Variants in FAM171B observed in about 807,000 individuals in gnomAD.
FAM171B encodes protein FAM171B.
FAM171B carries 19 observed loss-of-function variants against 75.6 expected under a neutral mutation model. The observed-to-expected ratio is 0.25, with a 90% CI of 0.18 to 0.37. FAM171B has a LOEUF of 0.37. Among genes scored for constraint, FAM171B ranks in the 10% least tolerant of loss-of-function variants. The probability of loss-of-function intolerance (pLI) is 1.00; values close to 1 mark genes in which losing one functional copy is unlikely to be tolerated. For synonymous variants in FAM171B, 367 were observed against 361.7 expected (o/e 1.01, Z -0.17); for missense variants, 848 against 982.4 (o/e 0.86, Z 1.83).
intron 1 of FAM171B, among the ~76,000 whole-genome samples, chr2:186,706,730 T>C (rs2594705): frequency 0.99 from 151,022 of 152,280 alleles, 74,893 homozygotes; most frequent in Middle Eastern, 1. Context: ...AAGATCAGGA[T>C]GCTATGCAGC....
Position 186,743,470 on chromosome 2 carries a change from C to T in FAM171B, c.473-13C>T. 1 of 1,561,856 alleles carries T rather than the reference C, an allele frequency of 6.4e-7. No individual in the cohort carries two copies. The stretch of plus-strand genomic sequence containing the variant: ...CATTAAGTAAAATATTCTAATTGTG[C>T]TATATTTCACAGTATATTCATCAGT... On this transcript the variant is annotated splice_polypyrimidine_tract_variant and intron_variant, in intron 2 of 7. Transcript: ENST00000304698.
At chr2:186,698,980 T>A (rs765256344) in intron 1 of FAM171B, among the ~76,000 whole-genome samples, 65 of 152,202 alleles carry the variant, frequency 4.3e-4, no homozygotes, top group Non-Finnish European at 7.5e-4. Context: ...AATGGTTGAA[T>A]AGTACTCCAT....
In FAM171B at chr2:186,761,570, A is replaced by G. The variant is rs780609319; in HGVS notation, c.1228A>G (p.Asn410Asp). ...RDQTTSTTHINHISTVKVALK... is the reference protein window; with the variant it reads ...RDQTTSTTHIDHISTVKVALK... Reference sequence around the variant, plus strand: ...CCAGACAACTTCAACAACACACATAAATCATATCAGTACAGTTAAAGTTGC... The same window carrying G: ...CCAGACAACTTCAACAACACACATAGATCATATCAGTACAGTTAAAGTTGC... The change falls in exon 8 of 8, where the codon AAT becomes GAT. Residue 410 changes from asparagine (N) to aspartate (D), a missense_variant. Physicochemically the swap from Asn to Asp is conservative, Grantham distance 23. Coordinates refer to ENST00000304698, the MANE Select transcript of FAM171B (RefSeq NM_177454.4). 5 of 1,610,962 alleles carry G rather than the reference A, an allele frequency of 3.1e-6. No individual in the cohort carries two copies. The Admixed American group carries it at 8.4e-5, about 27-fold the overall frequency.
intron 3 of FAM171B, 75 bp from the exon 4 acceptor site, chr2:186,747,017 G>T: frequency 9.0e-7 from 1 of 1,115,254 alleles, no homozygotes; most frequent in Non-Finnish European, 1.3e-6. Flanking sequence ...TTCTTTTAAA[G>T]TAAGACATCC....
chr2:186,745,904 A>G (rs1410116360), intron 3 of FAM171B, among the ~76,000 whole-genome samples: 2 of 152,232 alleles, frequency 1.3e-5, no homozygotes. Context: ...GCATATAATT[A>G]TGTTACTTTT....
chr2:186,761,759 A>C lies in FAM171B; in HGVS notation c.1417A>C (p.Asn473His). ...YNEDVSFLSV[N>H]QNNYSRNPTQ... is the part of the protein sequence containing the mutation. ...TGAAGATGTTTCATTTCTATCAGTC[A>C]ATCAAAATAATTACTCAAGAAACCC... The change falls in exon 8 of 8, where the codon AAT becomes CAT. Residue 473 changes from asparagine to histidine, a missense_variant. Physicochemically the swap from Asn to His is moderately conservative, Grantham distance 68 (BLOSUM62 1). Around this residue, in one of 3 missense-constraint regions of FAM171B, gnomAD observed 665 missense variants for 729.0 expected, o/e 0.91. Transcript: ENST00000304698. 6.2e-7 allele frequency: 1 copy of C among 1,613,412 alleles called. No individual in the cohort carries two copies. Among genetic ancestry groups the C allele is most frequent in the East Asian group, 2.2e-5 (1 of 44,860 alleles).
chr2:186,740,186 C>G, intron 1 of FAM171B, 42 bp from the exon 2 acceptor site: 1 of 1,426,444 alleles, frequency 7.0e-7, no homozygotes. Context: ...CATATGCATT[C>G]TAGGATACGA....
chr2:186,753,191 C>T (rs902135738), intron 5 of FAM171B, among the ~76,000 whole-genome samples: 6 of 152,110 alleles, frequency 3.9e-5, no homozygotes, highest in African/African-American at 1.2e-4. Flanking sequence ...CCCTGTCACC[C>T]AGGCTGGAGT....
At chr2:186,721,309 G>C (rs1689949200) in intron 1 of FAM171B, among the ~76,000 whole-genome samples, 1 of 152,140 alleles carries the variant, frequency 6.6e-6, no homozygotes, top group African/African-American at 2.4e-5. Flanking sequence ...AGCCAGGGTT[G>C]AGAATTGCTG....
chr2:186,706,371 C>T (rs1323269282), intron 1 of FAM171B, among the ~76,000 whole-genome samples: 3 of 152,116 alleles, frequency 2.0e-5, no homozygotes, highest in Non-Finnish European at 4.4e-5. Context: ...CAGTGAAACC[C>T]ATATTTTTCT....
chr2:186,755,838 T>C (rs1690524425), intron 6 of FAM171B, among the ~76,000 whole-genome samples: 1 of 152,196 alleles, frequency 6.6e-6, no homozygotes, highest in African/African-American at 2.4e-5. Flanking sequence ...TATTTCTATT[T>C]GAACTTAGTG....
intron 1 of FAM171B, among the ~76,000 whole-genome samples, chr2:186,722,648 G>A (rs1420979974): frequency 6.6e-6 from 1 of 152,172 alleles, no homozygotes. Flanking sequence ...GGATAGAGAG[G>A]ACTGGGTTGT....
intron 2 of FAM171B, among the ~76,000 whole-genome samples, chr2:186,740,864 G>A (rs752665888): frequency 1.3e-5 from 2 of 152,180 alleles, no homozygotes; most frequent in African/African-American, 2.4e-5. Flanking sequence ...CAAGGGTCTT[G>A]TGTCCCAACA....
chr2:186,749,293 T>G (rs201485771), intron 4 of FAM171B, among the ~76,000 whole-genome samples: 2 of 152,232 alleles, frequency 1.3e-5, no homozygotes, highest in Non-Finnish European at 1.5e-5. Flanking sequence ...TTTTCTCCTC[T>G]GACTTGACTT....
intron 6 of FAM171B, among the ~76,000 whole-genome samples, chr2:186,760,690 G>A (rs574852013): frequency 7.1e-4 from 108 of 151,822 alleles, no homozygotes; most frequent in African/African-American, 2.5e-3. Context: ...CTGCTGTCTC[G>A]GTGGCTAACA....
chr2:186,761,576 A>G lies in FAM171B; in HGVS notation c.1234A>G (p.Ile412Val). The G allele has an allele frequency of 6.2e-7, 1 of 1,613,042 alleles. No individual in the cohort carries two copies. The highest frequency in any genetic ancestry group is 8.5e-7 in the Non-Finnish European group (1 of 1,179,524). Residue 412 changes from isoleucine (I) to valine (V), a missense_variant, in exon 8 of 8, where the codon ATC (isoleucine) becomes GTC (valine). By Grantham distance (29) the Ile-to-Val change is conservative. Coordinates refer to ENST00000304698, the MANE Select transcript of FAM171B (RefSeq NM_177454.4). ...AACTTCAACAACACACATAAATCAT[A>G]TCAGTACAGTTAAAGTTGCATTAAA... ...QTTSTTHINH[I>V]STVKVALKAE...
intron 2 of FAM171B, among the ~76,000 whole-genome samples, chr2:186,741,503 A>C (rs1330686836): frequency 6.6e-6 from 1 of 152,148 alleles, no homozygotes; most frequent in Non-Finnish European, 1.5e-5. Context: ...GACCCTAACT[A>C]AATAAGGTAA....
chr2:186,761,277 G>T (rs765215143), intron 7 of FAM171B, 41 bp downstream of exon 7: 3 of 1,605,470 alleles, frequency 1.9e-6, no homozygotes, highest in Non-Finnish European at 1.7e-6. Context: ...ATCAAGTTAT[G>T]GTATCATTTC....
rs1318389086 is a variant in FAM171B, at chr2:186,763,447, CT to C, written c.*627del. On this transcript the variant is annotated 3_prime_UTR_variant, in exon 8 of 8. Coordinates refer to ENST00000304698, the MANE Select transcript of FAM171B (RefSeq NM_177454.4). Reference sequence around the variant, plus strand: ...GTCATTAGAGAGGGAGACACCAGCTCTTTGGTTGTTTTTGGATATAACTTTA... The same window carrying C: ...GTCATTAGAGAGGGAGACACCAGCTCTTGGTTGTTTTTGGATATAACTTTA... 6.6e-6 allele frequency: 1 copy of C among 152,042 alleles called. No homozygotes were observed. The highest frequency in any genetic ancestry group is 1.5e-5 in the Non-Finnish European group (1 of 67,962). 9.4% of individuals were successfully genotyped at this position (152,042 alleles called of 1,614,324 possible).
Sources: allele counts gnomAD v4.1 joint callset (sites outside exome capture counted in the v4.1 genomes callset), GRCh38; gene constraint gnomAD v4.1.1; regional missense constraint gnomAD v4.1.1; transcripts MANE v1.5; gene names NCBI Gene and HGNC (gene_info 2026-07-23, HGNC 2026-07-21).